JAG2: variants seen among roughly 807,000 people sequenced by gnomAD.
The protein encoded by JAG2 is jagged canonical Notch ligand 2.
Under a neutral mutation model 141.7 loss-of-function variants are expected in JAG2, and 46 were observed. That is an observed-to-expected ratio of 0.32 (90% CI 0.26 to 0.42). The LOEUF (loss-of-function observed/expected upper bound fraction) is 0.42. Ranked by LOEUF, JAG2 falls within the 10% of genes least tolerant of loss-of-function variation. The pLI is 1.00. For synonymous variants in JAG2, 862 were observed against 763.5 expected, an observed-to-expected ratio of 1.13 and a Z score of -2.13; for missense variants, 1,500 against 1,817.5, an observed-to-expected ratio of 0.83 and a Z score of 3.18.
chr14:105,153,100 G>T (rs961986113), intron 5 of JAG2, among the ~76,000 whole-genome samples: 1 of 152,148 alleles, frequency 6.6e-6, no homozygotes, highest in African/African-American at 2.4e-5. Context: ...GACTCCCGGG[G>T]GGCCCTTCCT....
chr14:105,156,117 CG>C (rs1157031660), intron 3 of JAG2, 128 bp from the exon 4 acceptor site: 6 of 1,241,502 alleles, frequency 4.8e-6, no homozygotes, highest in Non-Finnish European at 6.6e-6. Context: ...CAGCAGCACA[CG>C]GAGGGCAGGG....
chr14:105,156,683 G>C (rs1051925181), intron 3 of JAG2, among the ~76,000 whole-genome samples: 3 of 152,114 alleles, frequency 2.0e-5, no homozygotes, highest in Non-Finnish European at 4.4e-5. Flanking sequence ...AAGGTGAACG[G>C]GTCCTCCAGA....
intron 5 of JAG2, among the ~76,000 whole-genome samples, chr14:105,153,114 A>G (rs1364562534): frequency 3.4e-5 from 5 of 145,732 alleles, no homozygotes; most frequent in Non-Finnish European, 7.6e-5. Flanking sequence ...CCTTCCTAGA[A>G]CTCTCCGGTC....
rs745770089 is a variant in JAG2 at position 105,168,074 on chromosome 14, G to C, written c.100C>G (p.Leu34Val). The change falls in exon 2 of 26, where the codon CTG becomes GTG. Residue 34 changes from leucine (L) to valine (V), a missense_variant. By Grantham distance (32) the Leu-to-Val change is conservative (BLOSUM62 1). This residue lies in a region of JAG2 where 200 missense variants were observed against 174.3 expected (regional missense o/e 1.15). Coordinates refer to ENST00000331782, the MANE Select transcript of JAG2 (RefSeq NM_002226.5). ...ARPMGYFELQLSALRNVNGEL... is the reference protein window; with the variant it reads ...ARPMGYFELQVSALRNVNGEL... The stretch of plus-strand genomic sequence containing the variant: ...CCGTTCACGTTCCGCAGCGCGCTCA[G>C]CTGCAGCTCGAAATAGCCCATGGGC... 1 of 1,587,712 alleles carries C rather than the reference G, an allele frequency of 6.3e-7. No individual in the cohort carries two copies. Among genetic ancestry groups the C allele is most frequent in the African/African-American group, 1.4e-5 (1 of 73,270 alleles).
At position 105,146,371 on chromosome 14, in the gene JAG2, C is replaced by T. The variant is rs370735168; in HGVS notation, c.2709+14G>A. The T allele has an allele frequency of 1.3e-5, 21 of 1,603,380 alleles. No homozygotes were observed. The highest frequency in any genetic ancestry group is 1.7e-4 in the Middle Eastern group (1 of 5,900). ...GCCTCGGGTAGGGCAGGGCGGCTCACGGGCTGCCCTCACCTTGCTGCAGTC... is the reference window on the plus strand; with the variant it reads ...GCCTCGGGTAGGGCAGGGCGGCTCATGGGCTGCCCTCACCTTGCTGCAGTC... On this transcript the variant is annotated intron_variant, in intron 22 of 25. Transcript: ENST00000331782.
At position 105,155,909 on chromosome 14, in the gene JAG2, G is replaced by A; in HGVS notation, c.556C>T (p.His186Tyr). 6.2e-7 allele frequency: 1 copy of A among 1,612,086 alleles called. No homozygotes were observed. The highest frequency in any genetic ancestry group is 8.5e-7 in the Non-Finnish European group (1 of 1,179,776). The change falls in exon 4 of 26, where the codon CAC becomes TAC. Residue 186 changes from histidine to tyrosine, a missense_variant. By Grantham distance (83) the His-to-Tyr change is moderately conservative (BLOSUM62 2). Coordinates refer to ENST00000331782, the MANE Select transcript of JAG2 (RefSeq NM_002226.5). The stretch of plus-strand genomic sequence containing the variant: ...ATCTGCAGCTCCAGGTGCGCCACGT[G>A]GCCGCTGAAGTGCAGGCTCTTCCAG... ...DRWKSLHFSG[H>Y]VAHLELQIRV... is the part of the protein sequence containing the mutation.
In JAG2 at chr14:105,151,373, G is replaced by A; in HGVS notation, c.1177C>T (p.Pro393Ser). The change falls in exon 9 of 26, where the codon CCG becomes TCG. Residue 393 changes from proline (P) to serine (S), a missense_variant. By Grantham distance (74) the Pro-to-Ser change is moderately conservative. Transcript: ENST00000331782. The part of the protein sequence containing the change: ...ALDIDECASN[P>S]CAAGGTCVDQ... ...ACACAGGTGCCACCGGCCGCACACG[G>A]GTTCGAAGCACACTCATCGATGTCT... 6.2e-7 allele frequency: 1 copy of A among 1,611,796 alleles called. No homozygotes were observed. Among genetic ancestry groups the A allele is most frequent in the Non-Finnish European group, 8.5e-7 (1 of 1,179,966 alleles).
rs756008137 is a variant in JAG2 at position 105,152,019 on chromosome 14, C to T, written c.958G>A (p.Gly320Arg). ...YCGSHHPCTN[G>R]GTCINAEPDQ... ...GGCTCGGCGTTGATGCACGTGCCTC[C>T]GTTGGTGCAGGGGTGGTGGCTGCCA... The change falls in exon 7 of 26, where the codon GGA (glycine) becomes AGA (arginine). Residue 320 changes from glycine to arginine, a missense_variant. Transcript: ENST00000331782. 13 of 1,613,230 alleles carry T rather than the reference C, an allele frequency of 8.1e-6. No individual in the cohort carries two copies. The highest frequency in any genetic ancestry group is 2.7e-5 in the African/African-American group (2 of 74,908).
rs1888438270 is a variant in JAG2 at position 105,151,720 on chromosome 14, G to A, written c.1059C>T (p.Ser353=). The change falls in exon 8 of 26, where the codon TCC becomes TCT. Residue 353 remains serine, a synonymous_variant. Transcript: ENST00000331782. The stretch of plus-strand genomic sequence containing the variant: ...AAGAGCCCCCGTTGGCACACGGGTT[G>A]GAGGTGCAGGCGTGCTCAGCTGTAG... ...NCEKAEHACT[S]NPCANGGSCH... is the part of the protein sequence containing the mutation. The A allele has an allele frequency of 1.2e-6, 2 of 1,610,578 alleles. No individual in the cohort carries two copies. The highest frequency in any genetic ancestry group is 1.7e-6 in the Non-Finnish European group (2 of 1,179,030).
Position 105,155,630 on chromosome 14 carries a change from C to A in JAG2, c.728-8G>T. The A allele has an allele frequency of 6.2e-7, 1 of 1,612,750 alleles. No homozygotes were observed. Among genetic ancestry groups the A allele is most frequent in the African/African-American group, 1.3e-5 (1 of 75,066 alleles). The stretch of plus-strand genomic sequence containing the variant: ...ACCCTTGTTTACACACAGCTGCGAA[C>A]AGAGAGGAGCGAGAGGCACAGCTGC... On this transcript the variant is annotated splice_polypyrimidine_tract_variant and splice_region_variant and intron_variant, in intron 4 of 25. Coordinates refer to ENST00000331782, the MANE Select transcript of JAG2 (RefSeq NM_002226.5).
chr14:105,164,782 G>C (rs1302729618), intron 2 of JAG2, among the ~76,000 whole-genome samples: 1 of 152,184 alleles, frequency 6.6e-6, no homozygotes, highest in Admixed American at 6.5e-5. Flanking sequence ...CAGAGCCCGA[G>C]CTGGGAGTCC....
In JAG2 at chr14:105,142,887, CCT is replaced by C; in HGVS notation, c.3523_3524del (p.Arg1175GlyfsTer3). ...LPGPAGHAAV[R>X]EDEEDEDLGR... ...CCAGATCCTCGTCCTCCTCATCCTC[CCT>C]GACGGCCGCGTGGCCGGCCGGCCCG... On this transcript the variant is annotated frameshift_variant, in exon 26 of 26. Coordinates refer to ENST00000331782, the MANE Select transcript of JAG2 (RefSeq NM_002226.5). LOFTEE classifies it high-confidence loss of function. The C allele has an allele frequency of 6.2e-7, 1 of 1,602,154 alleles. No individual in the cohort carries two copies. Among genetic ancestry groups the C allele is most frequent in the Non-Finnish European group, 8.5e-7 (1 of 1,174,510 alleles).
At chr14:105,147,050 G>C in intron 20 of JAG2, 1 of 602,660 alleles carries the variant, frequency 1.7e-6, no homozygotes, top group Non-Finnish European at 3.0e-6. Flanking sequence ...TGCGGCCACA[G>C]AGGAGCCCAC....
At chr14:105,159,512 G>A (rs749531430) in intron 2 of JAG2, among the ~76,000 whole-genome samples, 34 of 151,798 alleles carry the variant, frequency 2.2e-4, no homozygotes, top group Non-Finnish European at 4.4e-4. Context: ...GCCTACAGGC[G>A]CCAGACAATC....
intron 2 of JAG2, among the ~76,000 whole-genome samples, chr14:105,161,158 T>C (rs587715793): frequency 9.8e-6 from 1 of 102,164 alleles, no homozygotes; most frequent in East Asian, 2.8e-4. Context: ...GTTGGGGGTC[T>C]GAGTGAGGTC....
chr14:105,143,243 C>T (rs1430095537), intron 25 of JAG2, 73 bp from the exon 26 acceptor site: 1 of 1,509,866 alleles, frequency 6.6e-7, no homozygotes, highest in Non-Finnish European at 8.9e-7. Context: ...CACACCCAGG[C>T]CTGGGAGGGC....
At chr14:105,145,192 A>G (rs2140970894) in intron 23 of JAG2, 131 bp from the exon 24 acceptor site, 1 of 1,307,484 alleles carries the variant, frequency 7.6e-7, no homozygotes, top group Non-Finnish European at 1.1e-6. Context: ...AAGGATGCCA[A>G]GGGCCTGGGG....
intron 2 of JAG2, among the ~76,000 whole-genome samples, chr14:105,165,640 G>T (rs1453511205): frequency 6.6e-6 from 1 of 152,160 alleles, no homozygotes; most frequent in African/African-American, 2.4e-5. Flanking sequence ...AGCCAGGCCT[G>T]GGTCAACAGC....
intron 10 of JAG2, 34 bp from the exon 11 acceptor site, chr14:105,150,945 C>A (rs1241246922): frequency 1.3e-6 from 2 of 1,593,192 alleles, no homozygotes; most frequent in African/African-American, 1.3e-5. Flanking sequence ...GAGGCGGGGT[C>A]CCATGTGCCT....
Sources: gnomAD v4.1 joint callset for allele counts (sites outside exome capture counted in the v4.1 genomes callset) on GRCh38, gnomAD v4.1.1 for gene constraint, gnomAD v4.1.1 regional missense constraint, MANE v1.5 for transcripts, NCBI Gene and HGNC (gene_info 2026-07-23, HGNC 2026-07-21) for gene names.